The following BRINP3 variants were observed in gnomAD, a reference collection of about 807,000 sequenced individuals.
BRINP3 encodes BMP/retinoic acid inducible neural specific 3, also known as BMP/retinoic acid-inducible neural-specific protein 3.
Under a neutral mutation model 71.0 loss-of-function variants are expected in BRINP3, and 19 were observed. The ratio of observed to expected loss-of-function variants is 0.27; its 90% CI spans 0.19 to 0.39. BRINP3 has a LOEUF of 0.39. Among genes scored for constraint, BRINP3 ranks in the 10% least tolerant of loss-of-function variants. The pLI is 1.00. For missense variants in BRINP3, 959 were observed against 940.8 expected (o/e 1.02, Z -0.25); for synonymous variants, 380 against 337.7 (o/e 1.13, Z -1.37).
At chr1:190,229,532 G>A (rs576945653) in intron 5 of BRINP3, among the ~76,000 whole-genome samples, 1 of 151,742 alleles carries the variant, frequency 6.6e-6, no homozygotes, top group Non-Finnish European at 1.5e-5. Context: ...TTAGAGTTCT[G>A]CCCAGAACAA....
chr1:190,428,567 C>T (rs1225837157), intron 2 of BRINP3, among the ~76,000 whole-genome samples: 1 of 152,038 alleles, frequency 6.6e-6, no homozygotes, highest in East Asian at 1.9e-4. Context: ...AATCAAGATT[C>T]TATCTTTAAC....
chr1:190,132,471 A>T (rs542284552), intron 7 of BRINP3, among the ~76,000 whole-genome samples: 2 of 152,074 alleles, frequency 1.3e-5, no homozygotes, highest in African/African-American at 4.8e-5. Flanking sequence ...ATTGCATTTT[A>T]AGCTGTTTGT....
intron 3 of BRINP3, among the ~76,000 whole-genome samples, chr1:190,273,714 G>T (rs1662313567): frequency 6.6e-6 from 1 of 151,450 alleles, no homozygotes; most frequent in Non-Finnish European, 1.5e-5. Context: ...ATGAGAAATA[G>T]AAATTAAAGA....
intron 6 of BRINP3, among the ~76,000 whole-genome samples, chr1:190,162,750 A>C (rs1558023677): frequency 1.3e-5 from 2 of 152,170 alleles, no homozygotes; most frequent in Admixed American, 1.3e-4. Flanking sequence ...AGTATCTTTA[A>C]ATACATTTTA....
chr1:190,312,841 C>T (rs1437457591), intron 2 of BRINP3, among the ~76,000 whole-genome samples: 1 of 151,800 alleles, frequency 6.6e-6, no homozygotes, highest in Admixed American at 6.6e-5. Flanking sequence ...TAGTCTCAAA[C>T]ATTTAATTGG....
chr1:190,457,957 T>C (rs1676116648), intron 1 of BRINP3, among the ~76,000 whole-genome samples: 1 of 151,760 alleles, frequency 6.6e-6, no homozygotes, highest in South Asian at 2.1e-4. Flanking sequence ...ATTTAAGGCG[T>C]ATAGCATGAT....
At chr1:190,215,850 A>C (rs2102666975) in intron 6 of BRINP3, among the ~76,000 whole-genome samples, 1 of 152,052 alleles carries the variant, frequency 6.6e-6, no homozygotes, top group East Asian at 1.9e-4. Flanking sequence ...GATATTCTAT[A>C]TGCCAAGTGG....
chr1:190,272,958 C>A (rs566997891), intron 3 of BRINP3, among the ~76,000 whole-genome samples: 2 of 151,356 alleles, frequency 1.3e-5, no homozygotes, highest in African/African-American at 2.4e-5. Context: ...TAACCTTCAA[C>A]TTTTATAAAT....
At chr1:190,130,829 C>T (rs1654478051) in intron 7 of BRINP3, among the ~76,000 whole-genome samples, 1 of 151,868 alleles carries the variant, frequency 6.6e-6, no homozygotes, top group South Asian at 2.1e-4. Context: ...ATACTCCTGC[C>T]CCTGCCCCTT....
In BRINP3 at chr1:190,098,585, G is replaced by T. The variant is rs1411423538; in HGVS notation, c.1734C>A (p.Gly578=). 9.3e-6 allele frequency: 15 copies of T among 1,614,048 alleles called. No homozygotes were observed. The highest frequency in any genetic ancestry group is 1.1e-5 in the Non-Finnish European group (13 of 1,180,038). Residue 578 remains glycine (G), a synonymous_variant, in exon 8 of 8, where the codon GGC becomes GGA. Transcript: ENST00000367462. ...GCATAAACCAGCTCTCAGAGTGGCT[G>T]CCTCCGAAGGGATTGACATAAACAG... is the stretch of plus-strand genomic sequence containing the variant. ...VLAVYVNPFG[G]SHSESWFMPV... is the part of the protein sequence containing the mutation.
intron 7 of BRINP3, among the ~76,000 whole-genome samples, chr1:190,126,216 A>C (rs766020716): frequency 3.9e-5 from 6 of 152,010 alleles, no homozygotes; most frequent in Non-Finnish European, 8.8e-5. Context: ...TTCCAACCTA[A>C]GAACAATTTA....
intron 2 of BRINP3, among the ~76,000 whole-genome samples, chr1:190,382,475 C>A (rs1034375096): frequency 2.0e-5 from 3 of 151,940 alleles, no homozygotes; most frequent in African/African-American, 7.3e-5. Context: ...AAAAAAAATC[C>A]GAAGTATAAA....
chr1:190,448,857 T>A (rs942445103), intron 2 of BRINP3, among the ~76,000 whole-genome samples: 1 of 151,952 alleles, frequency 6.6e-6, no homozygotes, highest in African/African-American at 2.4e-5. Context: ...TTTGTCTTTA[T>A]ATGTAGCAGG....
intron 7 of BRINP3, among the ~76,000 whole-genome samples, chr1:190,156,188 CTA>C (rs990173473): frequency 2.6e-5 from 4 of 152,006 alleles, no homozygotes; most frequent in Non-Finnish European, 5.9e-5. Flanking sequence ...AAAGGAAGAA[CTA>C]TACACTATAC....
intron 4 of BRINP3, among the ~76,000 whole-genome samples, chr1:190,248,056 T>C (rs1477880841): frequency 1.3e-5 from 2 of 151,936 alleles, no homozygotes; most frequent in African/African-American, 4.8e-5. Flanking sequence ...CCTCTTTGCA[T>C]GGTTTCTTTT....
At chr1:190,308,372 C>A (rs554933003) in intron 2 of BRINP3, among the ~76,000 whole-genome samples, 4 of 151,572 alleles carry the variant, frequency 2.6e-5, no homozygotes, top group African/African-American at 9.7e-5. Flanking sequence ...GTTGTTCTTG[C>A]GACAGTTTGC....
chr1:190,399,556 C>G (rs1671794548), intron 2 of BRINP3, among the ~76,000 whole-genome samples: 1 of 151,918 alleles, frequency 6.6e-6, no homozygotes, highest in Non-Finnish European at 1.5e-5. Context: ...GTATGTAGTA[C>G]TCTCCTGTTC....
intron 2 of BRINP3, among the ~76,000 whole-genome samples, chr1:190,373,881 T>C (rs1050578022): frequency 2.0e-5 from 3 of 150,568 alleles, no homozygotes; most frequent in Middle Eastern, 3.2e-3. Context: ...TCTTGGACTA[T>C]GCTACACTGC....
intron 4 of BRINP3, among the ~76,000 whole-genome samples, chr1:190,254,949 A>G (rs1660513281): frequency 6.6e-6 from 1 of 152,144 alleles, no homozygotes; most frequent in Non-Finnish European, 1.5e-5. Flanking sequence ...CATTCCATCA[A>G]TACCCAGTTT....
Sources: gnomAD v4.1 joint callset for allele counts (sites outside exome capture counted in the v4.1 genomes callset) on GRCh38, gnomAD v4.1.1 for gene constraint, MANE v1.5 for transcripts, NCBI Gene and HGNC (gene_info 2026-07-23, HGNC 2026-07-21) for gene names.